Variants in TRHDE observed in about 807,000 individuals in gnomAD.
TRHDE encodes the protein thyrotropin-releasing hormone-degrading ectoenzyme.
Under a neutral mutation model 125.7 loss-of-function variants are expected in TRHDE, and 72 were observed. That is an observed-to-expected ratio of 0.57 (90% CI 0.47 to 0.70). The LOEUF (loss-of-function observed/expected upper bound fraction) is 0.70. Among genes scored for constraint, TRHDE ranks in the 30% least tolerant of loss-of-function variants. The pLI is 0.00. For synonymous variants in TRHDE, 509 were observed against 509.1 expected (o/e 1.00, Z 0.00); for missense variants, 1,110 against 1,327.1 (o/e 0.84, Z 2.54).
intron 2 of TRHDE, among the ~76,000 whole-genome samples, chr12:72,112,620 T>C (rs1393992537): frequency 1.3e-5 from 2 of 152,164 alleles, no homozygotes; most frequent in African/African-American, 4.8e-5. Context: ...CTTTCATAGA[T>C]AATTTGATCT....
At chr12:72,413,462 A>G (rs1348972632) in intron 3 of TRHDE, among the ~76,000 whole-genome samples, 1 of 122,848 alleles carries the variant, frequency 8.1e-6, no homozygotes, top group East Asian at 2.6e-4. Flanking sequence ...TAGATTATAT[A>G]TGTAAAATAA....
chr12:72,663,298 C>T lies in TRHDE; in HGVS notation c.*103C>T. ...ACTACCTAGAAAATGGCCAGATTTTCAGTGTTAACGTGTGGGAGGAATTTT... is the reference window on the plus strand; with the variant it reads ...ACTACCTAGAAAATGGCCAGATTTTTAGTGTTAACGTGTGGGAGGAATTTT... On this transcript the variant is annotated 3_prime_UTR_variant, in exon 19 of 19. Coordinates refer to ENST00000261180, the MANE Select transcript of TRHDE (RefSeq NM_013381.3). The T allele has an allele frequency of 1.0e-6, 1 of 971,902 alleles. No homozygotes were observed. Among genetic ancestry groups the T allele is most frequent in the Non-Finnish European group, 1.4e-6 (1 of 711,882 alleles). 60.2% of individuals were successfully genotyped at this position (971,902 alleles called of 1,614,324 possible). A position where few individuals can be genotyped will look rare whatever the true frequency, so the allele number is the denominator to read the frequency against.
At chr12:72,633,010 C>T (rs1005478897) in intron 15 of TRHDE, among the ~76,000 whole-genome samples, 6 of 152,068 alleles carry the variant, frequency 3.9e-5, no homozygotes, top group South Asian at 2.1e-4. Flanking sequence ...AGCTACTTAA[C>T]GTTCATCATC....
chr12:72,322,833 T>C (rs898762816), intron 2 of TRHDE, among the ~76,000 whole-genome samples: 3 of 152,156 alleles, frequency 2.0e-5, no homozygotes, highest in Admixed American at 1.3e-4. Context: ...ACTTCAGTTA[T>C]CCACATTTGT....
intron 2 of TRHDE, among the ~76,000 whole-genome samples, chr12:72,225,770 C>T (rs1181162920): frequency 6.6e-6 from 1 of 152,088 alleles, no homozygotes; most frequent in Admixed American, 6.6e-5. Flanking sequence ...TTTGAAGTTT[C>T]ATGATGTGCC....
Position 72,512,455 on chromosome 12 carries a change from T to A in TRHDE, c.1722+12820T>A, listed in dbSNP as rs564297073. 1.7e-4 allele frequency among the ~76,000 whole-genome samples: 23 copies of A among 139,088 alleles called. No homozygotes were observed. The South Asian group carries it at 2.1e-3, about 13-fold the overall frequency. The allele number at this position is 139,088 out of a possible 152,430, so 91.2% of individuals were successfully genotyped here. A position where few individuals can be genotyped will look rare whatever the true frequency, so the allele number is the denominator to read the frequency against. On this transcript the variant is annotated intron_variant, in intron 6 of 18. Coordinates refer to ENST00000261180, the MANE Select transcript of TRHDE (RefSeq NM_013381.3). ...ATATAATATGTTATAATTATATAAT[T>A]ATAATATATTATATAGTTATAATTA...
chr12:72,629,894 A>T (rs989610037), intron 15 of TRHDE, among the ~76,000 whole-genome samples: 1 of 151,398 alleles, frequency 6.6e-6, no homozygotes, highest in African/African-American at 2.4e-5. Flanking sequence ...TATACATATA[A>T]TTCACTCTAT....
chr12:72,221,940 C>G lies in TRHDE; in HGVS notation n.279+116188C>G, dbSNP rs753363245. Reference sequence around the variant, plus strand: ...GGTTTGGAGCAACTGGGTTCTGGACCAGCATCTCTCTGTGTAGTGTCAGGG... The same window carrying G: ...GGTTTGGAGCAACTGGGTTCTGGACGAGCATCTCTCTGTGTAGTGTCAGGG... On this transcript the variant is annotated intron_variant and non_coding_transcript_variant, in intron 2 of 4. Transcript: ENST00000548156. 2.0e-5 allele frequency among the ~76,000 whole-genome samples: 3 copies of G among 152,076 alleles called. No individual in the cohort carries two copies. In the South Asian group the frequency reaches 6.2e-4, roughly 32 times the overall value.
intron 2 of TRHDE, among the ~76,000 whole-genome samples, chr12:72,179,269 T>C (rs2139340365): frequency 6.6e-6 from 1 of 152,218 alleles, no homozygotes; most frequent in African/African-American, 2.4e-5. Context: ...TTGAAGTCAG[T>C]AGAATTTACA....
chr12:72,509,609 ACCT>A (rs1344638156), intron 6 of TRHDE, among the ~76,000 whole-genome samples: 1 of 151,898 alleles, frequency 6.6e-6, no homozygotes, highest in Non-Finnish European at 1.5e-5. Flanking sequence ...TCTCAAGAAG[ACCT>A]CCCATTTAAA....
chr12:72,518,879 G>A (rs1045340512), intron 6 of TRHDE, among the ~76,000 whole-genome samples: 2 of 152,014 alleles, frequency 1.3e-5, no homozygotes, highest in African/African-American at 4.8e-5. Flanking sequence ...TGTCTGTAAA[G>A]TATTTTATTT....
At chr12:72,534,826 A>G (rs1440427858) in intron 6 of TRHDE, among the ~76,000 whole-genome samples, 1 of 151,912 alleles carries the variant, frequency 6.6e-6, no homozygotes, top group Non-Finnish European at 1.5e-5. Context: ...AGGATCACAA[A>G]GGATTAACAT....
intron 3 of TRHDE, among the ~76,000 whole-genome samples, chr12:72,401,163 G>A (rs192547243): frequency 6.6e-6 from 1 of 152,180 alleles, no homozygotes; most frequent in African/African-American, 2.4e-5. Flanking sequence ...CTTTTGGTGG[G>A]TATTTGTCTT....
At chr12:72,606,382 A>G (rs1415210343) in intron 12 of TRHDE, among the ~76,000 whole-genome samples, 1 of 152,170 alleles carries the variant, frequency 6.6e-6, no homozygotes, top group East Asian at 1.9e-4. Flanking sequence ...GGAACAAATC[A>G]AGGTCAGAAT....
intron 10 of TRHDE, among the ~76,000 whole-genome samples, chr12:72,568,954 A>G (rs562570009): frequency 6.6e-6 from 1 of 152,302 alleles, no homozygotes; most frequent in African/African-American, 2.4e-5. Context: ...CATGTAATTA[A>G]AATATAATTA....
At chr12:72,145,943 A>G (rs953542839) in intron 2 of TRHDE, among the ~76,000 whole-genome samples, 1 of 152,210 alleles carries the variant, frequency 6.6e-6, no homozygotes, top group Non-Finnish European at 1.5e-5. Flanking sequence ...TCCTAAAAGT[A>G]AACTTGTTCT....
chr12:72,168,535 G>A (rs1053017859), intron 2 of TRHDE, among the ~76,000 whole-genome samples: 1 of 152,194 alleles, frequency 6.6e-6, no homozygotes, highest in African/African-American at 2.4e-5. Context: ...AGCAGAGACA[G>A]TGTGAATTTG....
At chr12:72,461,786 C>A (rs959778755) in intron 3 of TRHDE, among the ~76,000 whole-genome samples, 4 of 151,944 alleles carry the variant, frequency 2.6e-5, no homozygotes, top group Non-Finnish European at 4.4e-5. Flanking sequence ...ACATATTAAC[C>A]TAAACTTCAT....
intron 3 of TRHDE, among the ~76,000 whole-genome samples, chr12:72,464,248 A>G (rs945125616): frequency 1.3e-5 from 2 of 152,194 alleles, no homozygotes; most frequent in African/African-American, 4.8e-5. Context: ...CAAAGAAAAT[A>G]AGTAGTAGAG....
Sources: allele counts gnomAD v4.1 joint callset (sites outside exome capture counted in the v4.1 genomes callset), GRCh38; gene constraint gnomAD v4.1.1; transcripts MANE v1.5; gene names NCBI Gene and HGNC (gene_info 2026-07-23, HGNC 2026-07-21).